CNTNAP5: variants seen among roughly 807,000 people sequenced by gnomAD.
CNTNAP5 encodes the protein contactin associated protein family member 5.
In CNTNAP5, 72 loss-of-function variants were observed where a neutral mutation model predicts 150.2. The observed-to-expected ratio is 0.48, with a 90% CI of 0.40 to 0.58. The LOEUF (loss-of-function observed/expected upper bound fraction) is 0.58, where lower values mean the gene tolerates loss of function less well. Ranked by LOEUF, CNTNAP5 falls within the 20% of genes least tolerant of loss-of-function variation. The pLI, the probability that CNTNAP5 is intolerant of heterozygous loss-of-function variation, is 0.00. For missense variants in CNTNAP5, 1,636 were observed against 1,626.2 expected (o/e 1.01, Z -0.10); for synonymous variants, 672 against 619.8 (o/e 1.08, Z -1.25).
At chr2:124,175,817 A>T (rs962100041) in intron 1 of CNTNAP5, among the ~76,000 whole-genome samples, 3 of 152,104 alleles carry the variant, frequency 2.0e-5, no homozygotes, top group Admixed American at 2.0e-4. Context: ...CACATTTGTA[A>T]CACATTTTCT....
At chr2:124,528,910 G>T (rs1428789805) in intron 10 of CNTNAP5, among the ~76,000 whole-genome samples, 3 of 152,166 alleles carry the variant, frequency 2.0e-5, no homozygotes, top group Non-Finnish European at 4.4e-5. Context: ...CTACTGAGGG[G>T]CACAGAAATC....
Position 124,915,281 on chromosome 2 carries a change from G to C in CNTNAP5, c.*993G>C, listed in dbSNP as rs562237989. 6.0e-6 allele frequency: 1 copy of C among 165,350 alleles called. No homozygotes were observed. The highest frequency in any genetic ancestry group is 2.1e-4 in the South Asian group (1 of 4,762). The allele number at this position is 165,350 out of a possible 1,614,324, so 10.2% of individuals were successfully genotyped here. ...GCAGCATAAAGAAATTGAAATAAAA[G>C]TTTAAAATAGTACCCGGTTCAATGA... On this transcript the variant is annotated 3_prime_UTR_variant, in exon 24 of 24. Coordinates refer to ENST00000682447, the MANE Select transcript of CNTNAP5 (RefSeq NM_001367498.1).
chr2:124,112,429 C>G (rs1683320176), intron 1 of CNTNAP5, among the ~76,000 whole-genome samples: 1 of 152,254 alleles, frequency 6.6e-6, no homozygotes, highest in East Asian at 1.9e-4. Flanking sequence ...GCCAACTTGT[C>G]ACACTCCTCT....
chr2:124,229,115 G>C (rs1478984359), intron 2 of CNTNAP5, among the ~76,000 whole-genome samples: 2 of 151,194 alleles, frequency 1.3e-5, no homozygotes, highest in Non-Finnish European at 2.9e-5. Flanking sequence ...CAGGAAGAAA[G>C]TGTGCGTAAC....
intron 13 of CNTNAP5, among the ~76,000 whole-genome samples, chr2:124,683,885 T>C (rs1679126168): frequency 6.6e-6 from 1 of 152,186 alleles, no homozygotes; most frequent in South Asian, 2.1e-4. Context: ...ATTGACTGAG[T>C]AATCATTTTA....
In CNTNAP5 at chr2:124,845,029, T is replaced by A. The variant is rs144150271; in HGVS notation, c.3218-20277T>A. ...CCATTACTATGTTAAATAGAAGTGG[T>A]AAAAGTGGGCATCCTTGTCTTGTTC... On this transcript the variant is annotated intron_variant, in intron 19 of 23. Coordinates refer to ENST00000682447, the MANE Select transcript of CNTNAP5 (RefSeq NM_001367498.1). Among the ~76,000 whole-genome samples, 23 of 152,238 alleles carry A rather than the reference T, an allele frequency of 1.5e-4. No individual in the cohort carries two copies. In the East Asian group the frequency reaches 4.2e-3, roughly 28 times the overall value.
chr2:124,097,034 T>A (rs990559790), intron 1 of CNTNAP5, among the ~76,000 whole-genome samples: 10 of 152,128 alleles, frequency 6.6e-5, no homozygotes, highest in Admixed American at 2.0e-4. Context: ...TTTTCTTTGT[T>A]GAACTGGACC....
intron 3 of CNTNAP5, among the ~76,000 whole-genome samples, chr2:124,321,299 C>T (rs1025731440): frequency 6.6e-6 from 1 of 151,850 alleles, no homozygotes; most frequent in Non-Finnish European, 1.5e-5. Context: ...CAAAATTAGT[C>T]GGGTGTGGTG....
At chr2:124,546,610 G>A (rs1052771438) in intron 10 of CNTNAP5, among the ~76,000 whole-genome samples, 1 of 152,200 alleles carries the variant, frequency 6.6e-6, no homozygotes. Context: ...CTGGGAGGTA[G>A]TTGGTAGTGT....
intron 7 of CNTNAP5, among the ~76,000 whole-genome samples, chr2:124,500,926 C>T (rs1384637512): frequency 6.6e-6 from 1 of 152,126 alleles, no homozygotes; most frequent in Non-Finnish European, 1.5e-5. Context: ...CAGTCACAGT[C>T]AGACAGAGGA....
At chr2:124,457,927 G>A (rs1693158743) in intron 6 of CNTNAP5, among the ~76,000 whole-genome samples, 1 of 151,778 alleles carries the variant, frequency 6.6e-6, no homozygotes, top group Admixed American at 6.6e-5. Context: ...ATGTTGGCAT[G>A]GATATGGTGA....
chr2:124,654,380 C>T lies in CNTNAP5; in HGVS notation c.2077+6422C>T, dbSNP rs115616590. 6.6e-3 allele frequency among the ~76,000 whole-genome samples: 1,004 copies of T among 152,288 alleles called. 4 individuals carry two copies. Among genetic ancestry groups the T allele is most frequent in the Middle Eastern group, 0.017 (5 of 294 alleles). ...TTTCATATGAATAATTTGCTAAGCA[C>T]ATAGACATTTTAAGTCATCTCCTAT... On this transcript the variant is annotated intron_variant, in intron 13 of 23. Transcript: ENST00000682447.
At chr2:124,239,048 T>A (rs934714900) in intron 2 of CNTNAP5, among the ~76,000 whole-genome samples, 2 of 152,226 alleles carry the variant, frequency 1.3e-5, no homozygotes, top group African/African-American at 4.8e-5. Context: ...ACATGATGTG[T>A]TGATGAATGG....
intron 8 of CNTNAP5, among the ~76,000 whole-genome samples, chr2:124,520,103 T>G (rs1036274918): frequency 6.6e-6 from 1 of 152,224 alleles, no homozygotes; most frequent in Non-Finnish European, 1.5e-5. Context: ...TTTTGTGGTG[T>G]TAGTTTTTAA....
At chr2:124,776,111 A>T (rs1006469538) in intron 17 of CNTNAP5, among the ~76,000 whole-genome samples, 2 of 152,204 alleles carry the variant, frequency 1.3e-5, no homozygotes, top group African/African-American at 4.8e-5. Flanking sequence ...TCACACCTAC[A>T]GTCATGCCCA....
intron 21 of CNTNAP5, among the ~76,000 whole-genome samples, chr2:124,887,582 C>A (rs959618016): frequency 6.6e-6 from 1 of 152,104 alleles, no homozygotes; most frequent in African/African-American, 2.4e-5. Flanking sequence ...TTTACACATA[C>A]CGCTTAGTGC....
At chr2:124,083,321 C>A (rs1033504270) in intron 1 of CNTNAP5, among the ~76,000 whole-genome samples, 1 of 152,094 alleles carries the variant, frequency 6.6e-6, no homozygotes, top group African/African-American at 2.4e-5. Context: ...CACTGCACTC[C>A]AGCCCTGGGC....
rs879641750 is a variant in CNTNAP5 at position 124,707,205 on chromosome 2, A to AAGAAGAAGAAGAAGAAG, written c.2078-40023_2078-40022insGAAGAAGAAGAAGAAGA. On this transcript the variant is annotated intron_variant, in intron 13 of 23. Transcript: ENST00000682447. ...GAAGAAGAAGAAGAAGAAGAAGAAG[A>AAGAAGAAGAAGAAGAAG]ATAAACAACTTGGGATCATTCACTG... Among the ~76,000 whole-genome samples the AAGAAGAAGAAGAAGAAG allele has an allele frequency of 2.1e-5, 3 of 145,256 alleles. 1 individual carries two copies. The highest frequency in any genetic ancestry group is 5.2e-5 in the African/African-American group (2 of 38,490).
In CNTNAP5 at chr2:124,254,783, C is replaced by A. The variant is rs373231796; in HGVS notation, c.381+12390C>A. 2.2e-4 allele frequency among the ~76,000 whole-genome samples: 34 copies of A among 152,236 alleles called. No individual in the cohort carries two copies. The South Asian group carries it at 7.0e-3, about 32-fold the overall frequency. ...CTTGCAACACTAAGTAATAGCAGAGCCATCGTACATTCATTTCAGAATGGG... is the reference window on the plus strand; with the variant it reads ...CTTGCAACACTAAGTAATAGCAGAGACATCGTACATTCATTTCAGAATGGG... On this transcript the variant is annotated intron_variant, in intron 3 of 23. Coordinates refer to ENST00000682447, the MANE Select transcript of CNTNAP5 (RefSeq NM_001367498.1).
Sources: gnomAD v4.1 joint callset for allele counts (sites outside exome capture counted in the v4.1 genomes callset) on GRCh38, gnomAD v4.1.1 for gene constraint, MANE v1.5 for transcripts, NCBI Gene and HGNC (gene_info 2026-07-23, HGNC 2026-07-21) for gene names.